SHANK2: variants seen among roughly 807,000 people sequenced by gnomAD.
SHANK2 encodes SH3 and multiple ankyrin repeat domains protein 2.
A neutral mutation model predicts 133.7 loss-of-function variants in SHANK2; 43 were observed. The observed-to-expected ratio is 0.32, with a 90% CI of 0.25 to 0.41. The LOEUF (loss-of-function observed/expected upper bound fraction) is 0.41. Ranked by LOEUF, SHANK2 falls within the 10% of genes least tolerant of loss-of-function variation. SHANK2 has a pLI of 1.00. For missense variants in SHANK2, 1,994 were observed against 2,235.8 expected (o/e 0.89, Z 2.18); for synonymous variants, 1,017 against 952.8 (o/e 1.07, Z -1.24).
chr11:70,945,314 T>C (rs1316622017), intron 10 of SHANK2, among the ~76,000 whole-genome samples: 2 of 152,050 alleles, frequency 1.3e-5, no homozygotes, highest in Non-Finnish European at 2.9e-5. Context: ...AAAGCAAAAG[T>C]GGAGGCCTGG....
At chr11:70,870,188 C>T (rs1343443641) in intron 11 of SHANK2, among the ~76,000 whole-genome samples, 1 of 152,110 alleles carries the variant, frequency 6.6e-6, no homozygotes, top group Non-Finnish European at 1.5e-5. Context: ...GTGCTGGAGG[C>T]TCACCCAGGC....
intron 14 of SHANK2, among the ~76,000 whole-genome samples, chr11:70,769,840 T>C (rs1432053263): frequency 6.6e-6 from 1 of 152,196 alleles, no homozygotes; most frequent in African/African-American, 2.4e-5. Context: ...TGTGTGTGTA[T>C]GGGTATCTTT....
intron 3 of SHANK2, among the ~76,000 whole-genome samples, chr11:71,132,872 C>A (rs1168571155): frequency 2.0e-5 from 3 of 152,090 alleles, no homozygotes; most frequent in African/African-American, 7.2e-5. Flanking sequence ...GTAAACCACT[C>A]CTCTTAAGGA....
chr11:70,858,294 T>G (rs781893289), intron 11 of SHANK2, among the ~76,000 whole-genome samples: 1 of 152,246 alleles, frequency 6.6e-6, no homozygotes, highest in Non-Finnish European at 1.5e-5. Context: ...TGTATTGCGC[T>G]GTGCGGCCAG....
intron 11 of SHANK2, among the ~76,000 whole-genome samples, chr11:70,885,398 T>C (rs1555073247): frequency 6.6e-6 from 1 of 152,196 alleles, no homozygotes; most frequent in African/African-American, 2.4e-5. Context: ...TCGATCTCTG[T>C]GTGCACCATG....
At chr11:71,084,853 CAT>C (rs1951357334) in intron 8 of SHANK2, among the ~76,000 whole-genome samples, 1 of 152,134 alleles carries the variant, frequency 6.6e-6, no homozygotes, top group Non-Finnish European at 1.5e-5. Flanking sequence ...CCTGTGAACT[CAT>C]ATGGGAAACA....
intron 17 of SHANK2, chr11:70,631,349 C>T (rs1395677286): frequency 2.0e-5 from 3 of 150,248 alleles, no homozygotes; most frequent in Admixed American, 6.7e-5. Context: ...TGCTGGGGGC[C>T]GTGCCATTCT....
chr11:70,503,008 A>G, intron 17 of SHANK2, 77 bp from the exon 18 acceptor site: 1 of 1,531,108 alleles, frequency 6.5e-7, no homozygotes, highest in South Asian at 1.1e-5. Flanking sequence ...CAAGGCAGAG[A>G]CATGTGGGCT....
chr11:70,880,376 G>A (rs1474203939), intron 11 of SHANK2, among the ~76,000 whole-genome samples: 2 of 152,234 alleles, frequency 1.3e-5, no homozygotes, highest in South Asian at 4.1e-4. Context: ...GAAAGTTGGG[G>A]AGATGGATGG....
chr11:70,530,606 T>C (rs11606270), intron 17 of SHANK2, among the ~76,000 whole-genome samples: 87,861 of 152,014 alleles, frequency 0.58, 27,944 homozygotes, highest in Non-Finnish European at 0.71. Flanking sequence ...CTTGAGGACA[T>C]CATGCTCAGC....
chr11:70,525,161 A>C (rs1565097143), intron 17 of SHANK2, among the ~76,000 whole-genome samples: 1 of 152,244 alleles, frequency 6.6e-6, no homozygotes, highest in African/African-American at 2.4e-5. Context: ...CAGCACCAGC[A>C]ACAGAATCCC....
intron 17 of SHANK2, among the ~76,000 whole-genome samples, chr11:70,551,287 C>A (rs1554977950): frequency 1.3e-5 from 2 of 152,122 alleles, no homozygotes; most frequent in Non-Finnish European, 1.5e-5. Flanking sequence ...GAGGCTGGAG[C>A]CTCTGCTCTG....
chr11:71,085,727 AAATAT>A (rs1411734284), intron 8 of SHANK2, among the ~76,000 whole-genome samples: 1 of 54,610 alleles, frequency 1.8e-5, no homozygotes, highest in East Asian at 6.3e-4. Flanking sequence ...ATATTATATA[AAATAT>A]AATATATTAT....
intron 17 of SHANK2, among the ~76,000 whole-genome samples, chr11:70,618,765 T>C (rs1336261677): frequency 1.3e-5 from 2 of 152,228 alleles, no homozygotes; most frequent in African/African-American, 4.8e-5. Context: ...TTTGTCATTG[T>C]GTGGAATAAA....
At chr11:70,783,351 A>G (rs1947554463) in intron 14 of SHANK2, among the ~76,000 whole-genome samples, 2 of 152,152 alleles carry the variant, frequency 1.3e-5, no homozygotes, top group South Asian at 4.1e-4. Flanking sequence ...TTACATCGAG[A>G]CACAAGGGTA....
At position 71,210,210 on chromosome 11, in the gene SHANK2, G is replaced by GTGTA. The variant is rs1491563939; in HGVS notation, c.-13+14486_-13+14487insTACA. Among the ~76,000 whole-genome samples the GTGTA allele has an allele frequency of 3.8e-3, 207 of 54,056 alleles. 5 individuals carry two copies. Among genetic ancestry groups the GTGTA allele is most frequent in the East Asian group, 0.013 (12 of 946 alleles). The allele number at this position is 54,056 out of a possible 152,430, so 35.5% of individuals were successfully genotyped here. ...GGTCCTCTTCATTGGAAATCCACAG[G>GTGTA]TATATATATATATATATATATATAT... On this transcript the variant is annotated intron_variant, in intron 2 of 25. Coordinates refer to ENST00000601538, the MANE Select transcript of SHANK2 (RefSeq NM_012309.5).
At chr11:70,889,567 C>T (rs898242185) in intron 11 of SHANK2, among the ~76,000 whole-genome samples, 14 of 152,278 alleles carry the variant, frequency 9.2e-5, no homozygotes, top group African/African-American at 3.1e-4. Flanking sequence ...CTGGGACGTC[C>T]GGCATGAGAA....
chr11:70,948,926 T>C (rs1565423824), intron 10 of SHANK2, among the ~76,000 whole-genome samples: 3 of 152,206 alleles, frequency 2.0e-5, no homozygotes, highest in African/African-American at 4.8e-5. Context: ...TCAAGCTCTC[T>C]TGGGTCAGAT....
chr11:71,089,482 A>G (rs1951467998), intron 8 of SHANK2, among the ~76,000 whole-genome samples: 1 of 151,256 alleles, frequency 6.6e-6, no homozygotes, highest in South Asian at 2.1e-4. Context: ...TCGTCTTTCT[A>G]TCTCATGTCT....
Sources: gnomAD v4.1 joint callset for allele counts (sites outside exome capture counted in the v4.1 genomes callset) on GRCh38, gnomAD v4.1.1 for gene constraint, MANE v1.5 for transcripts, NCBI Gene and HGNC (gene_info 2026-07-23, HGNC 2026-07-21) for gene names.